PBX1: variants seen among roughly 807,000 people sequenced by gnomAD.
PBX1 encodes the protein pre-B-cell leukemia transcription factor 1.
In PBX1, 6 loss-of-function variants were observed where a neutral mutation model predicts 53.4. The ratio of observed to expected loss-of-function variants is 0.11; its 90% CI spans 0.06 to 0.22. The LOEUF (loss-of-function observed/expected upper bound fraction) is 0.22, where lower values mean the gene tolerates loss of function less well. Ranked by LOEUF, PBX1 falls within the 10% of genes least tolerant of loss-of-function variation. The probability of loss-of-function intolerance (pLI) is 1.00; values close to 1 mark genes in which losing one functional copy is unlikely to be tolerated. For missense variants in PBX1, 251 were observed against 551.4 expected (o/e 0.46, Z 5.46); for synonymous variants, 204 against 212.3 (o/e 0.96, Z 0.34).
intron 2 of PBX1, among the ~76,000 whole-genome samples, chr1:164,709,456 C>G (rs949901274): frequency 1.3e-5 from 2 of 151,992 alleles, no homozygotes; most frequent in Non-Finnish European, 2.9e-5. Context: ...ACTGCTGAGC[C>G]AACTCATGAG....
intron 2 of PBX1, among the ~76,000 whole-genome samples, chr1:164,707,408 TGTGTGTGTGTGAGAGAGA>T (rs1435778634): frequency 9.2e-6 from 1 of 108,436 alleles, no homozygotes; most frequent in Non-Finnish European, 1.8e-5. Context: ...TGTGTGTGTG[TGTGTGTGTGTGAGAGAGA>T]GAGAGAGAGA....
chr1:164,597,896 G>A (rs1220185407), intron 2 of PBX1, among the ~76,000 whole-genome samples: 1 of 151,988 alleles, frequency 6.6e-6, no homozygotes, highest in Non-Finnish European at 1.5e-5. Context: ...CAATTCCTGG[G>A]TTTCTGGTTC....
At chr1:164,684,202 C>G (rs1289968006) in intron 2 of PBX1, 4 of 152,172 alleles carry the variant, frequency 2.6e-5, no homozygotes, top group Non-Finnish European at 5.9e-5. Context: ...TTATGAATAT[C>G]CTTGTGAATT....
intron 8 of PBX1, among the ~76,000 whole-genome samples, chr1:164,841,831 A>G (rs758996138): frequency 2.1e-4 from 32 of 152,116 alleles, no homozygotes; most frequent in Admixed American, 5.2e-4. Flanking sequence ...CGTTCCCAAC[A>G]GTGACTGGGT....
chr1:164,559,882 C>G lies in PBX1; in HGVS notation c.60C>G (p.Pro20=). ...CTGGGGTCGGGATGGCCGGACACCC[C>G]GGCCTGTCCCAGCACTTGCAGGATG... ...SHAGVGMAGH[P]GLSQHLQDGA... Residue 20 remains proline (P), a synonymous_variant, in exon 1 of 9, where the codon CCC becomes CCG. Transcript: ENST00000420696. The G allele has an allele frequency of 6.5e-7, 1 of 1,547,442 alleles. No homozygotes were observed. Among genetic ancestry groups the G allele is most frequent in the Non-Finnish European group, 8.7e-7 (1 of 1,144,960 alleles).
chr1:164,566,157 A>G (rs1319479123), intron 2 of PBX1, among the ~76,000 whole-genome samples: 1 of 152,204 alleles, frequency 6.6e-6, no homozygotes, highest in Non-Finnish European at 1.5e-5. Flanking sequence ...TTAAAAATAC[A>G]TACACACATG....
intron 2 of PBX1, among the ~76,000 whole-genome samples, chr1:164,736,598 C>T (rs1281295777): frequency 3.9e-5 from 6 of 152,116 alleles, no homozygotes; most frequent in African/African-American, 1.2e-4. Context: ...ACATTATCCT[C>T]CAGAAAATAC....
intron 2 of PBX1, among the ~76,000 whole-genome samples, chr1:164,692,623 G>A (rs763682545): frequency 3.3e-5 from 5 of 152,050 alleles, no homozygotes; most frequent in Non-Finnish European, 7.4e-5. Context: ...AAGAAAAATG[G>A]TTATCAGTAG....
At chr1:164,838,572 C>A (rs1671152483) in intron 8 of PBX1, among the ~76,000 whole-genome samples, 1 of 152,188 alleles carries the variant, frequency 6.6e-6, no homozygotes. Flanking sequence ...ATGTGGAGCG[C>A]ACACATTGTC....
At chr1:164,855,793 G>A (rs1671964137), downstream of PBX1, among the ~76,000 whole-genome samples, 1 of 152,204 alleles carries the variant, frequency 6.6e-6, no homozygotes, top group Non-Finnish European at 1.5e-5. Context: ...TTTGCACTCT[G>A]CTTCCTATAT....
At chr1:164,857,333 G>A (rs1190112962) in intron 2 of PBX1, among the ~76,000 whole-genome samples, 1 of 152,170 alleles carries the variant, frequency 6.6e-6, no homozygotes, top group African/African-American at 2.4e-5. Flanking sequence ...CATAGTGGGA[G>A]GTCTGGAAGG....
At chr1:164,776,373 C>T (rs542006725) in intron 2 of PBX1, among the ~76,000 whole-genome samples, 3 of 152,210 alleles carry the variant, frequency 2.0e-5, no homozygotes, top group South Asian at 2.1e-4. Context: ...GGGTACTGGG[C>T]GGCTGTGGCA....
intron 2 of PBX1, among the ~76,000 whole-genome samples, chr1:164,598,985 C>A: frequency 6.6e-6 from 1 of 151,660 alleles, no homozygotes; most frequent in Non-Finnish European, 1.5e-5. Flanking sequence ...CAGCTCCAGT[C>A]TATGTCCTGA....
Position 164,576,918 on chromosome 1 carries a change from A to G in PBX1, c.265+13607A>G, listed in dbSNP as rs1022099276. The stretch of plus-strand genomic sequence containing the variant: ...GGCCCGCTGGAGCCGCGTTTTCAAT[A>G]TGCAAAGTGCCGGTGCTGTGCAGAC... On this transcript the variant is annotated intron_variant, in intron 2 of 8. Coordinates refer to ENST00000420696, the MANE Select transcript of PBX1 (RefSeq NM_002585.4). 3.3e-5 allele frequency: 5 copies of G among 152,320 alleles called. No homozygotes were observed. The East Asian group carries it at 5.8e-4, about 18-fold the overall frequency. 9.4% of individuals were successfully genotyped at this position (152,320 alleles called of 1,614,324 possible).
At chr1:164,572,063 C>A (rs1475322902) in intron 2 of PBX1, among the ~76,000 whole-genome samples, 1 of 151,224 alleles carries the variant, frequency 6.6e-6, no homozygotes, top group Non-Finnish European at 1.5e-5. Flanking sequence ...TGGGCTACCA[C>A]ACCCAGCTGA....
intron 8 of PBX1, chr1:164,829,340 T>C (rs778256081): frequency 4.6e-5 from 7 of 152,234 alleles, no homozygotes; most frequent in Non-Finnish European, 8.8e-5. Context: ...TATTCTTACA[T>C]AGATTTTGTG....
intron 2 of PBX1, among the ~76,000 whole-genome samples, chr1:164,879,769 A>G (rs1215006925): frequency 6.6e-6 from 1 of 152,242 alleles, no homozygotes; most frequent in Non-Finnish European, 1.5e-5. Context: ...TTCCTATTCC[A>G]AACTTTTTCA....
intron 2 of PBX1, among the ~76,000 whole-genome samples, chr1:164,858,478 C>T (rs796769693): frequency 1.3e-5 from 2 of 149,174 alleles, no homozygotes; most frequent in Non-Finnish European, 3.0e-5. Flanking sequence ...CACACACACA[C>T]GCTGTGGCTG....
intron 2 of PBX1, among the ~76,000 whole-genome samples, chr1:164,673,626 G>A (rs1553228314): frequency 6.6e-6 from 1 of 151,912 alleles, no homozygotes; most frequent in Non-Finnish European, 1.5e-5. Flanking sequence ...GTGAGCCACC[G>A]CGCCTGGCGA....
Sources: gnomAD v4.1 joint callset for allele counts (sites outside exome capture counted in the v4.1 genomes callset) on GRCh38, gnomAD v4.1.1 for gene constraint, MANE v1.5 for transcripts, NCBI Gene and HGNC (gene_info 2026-07-23, HGNC 2026-07-21) for gene names.